The following PDE4D variants were observed in gnomAD, a reference collection of about 807,000 sequenced individuals.
The protein encoded by PDE4D is 3',5'-cyclic-AMP phosphodiesterase 4D.
Under a neutral mutation model 87.4 loss-of-function variants are expected in PDE4D, and 24 were observed. That is an observed-to-expected ratio of 0.27 (90% CI 0.20 to 0.39). The LOEUF is 0.39. Among genes scored for constraint, PDE4D ranks in the 10% least tolerant of loss-of-function variants. The pLI, the probability that PDE4D is intolerant of heterozygous loss-of-function variation, is 1.00. For synonymous variants in PDE4D, 384 were observed against 383.2 expected (o/e 1.00, Z -0.02); for missense variants, 714 against 1,041.0 (o/e 0.69, Z 4.32).
chr5:59,658,161 T>C (rs1744674131), intron 1 of PDE4D, among the ~76,000 whole-genome samples: 1 of 152,196 alleles, frequency 6.6e-6, no homozygotes, highest in Non-Finnish European at 1.5e-5. Flanking sequence ...ATGCCAGGTA[T>C]AAGGATAACA....
At chr5:59,978,284 T>C (rs1399685424) in intron 3 of PDE4D, among the ~76,000 whole-genome samples, 1 of 152,156 alleles carries the variant, frequency 6.6e-6, no homozygotes, top group Non-Finnish European at 1.5e-5. Flanking sequence ...CCATTCTAGA[T>C]GCCATTAAGA....
At chr5:59,555,303 T>A (rs1012495957) in intron 1 of PDE4D, among the ~76,000 whole-genome samples, 1 of 151,738 alleles carries the variant, frequency 6.6e-6, no homozygotes, top group African/African-American at 2.4e-5. Context: ...ATAATGAAAA[T>A]ACATGGACAC....
At chr5:59,831,932 C>T (rs964109475) in intron 1 of PDE4D, among the ~76,000 whole-genome samples, 11 of 152,140 alleles carry the variant, frequency 7.2e-5, no homozygotes, top group South Asian at 6.2e-4. Flanking sequence ...AAGGGCTCTA[C>T]GAGACAAGCC....
At chr5:59,954,587 T>C in intron 3 of PDE4D, among the ~76,000 whole-genome samples, 1 of 152,192 alleles carries the variant, frequency 6.6e-6, no homozygotes. Context: ...GCCCTAACTG[T>C]GGCACCAGCA....
chr5:60,013,115 G>A (rs1193375394), intron 2 of PDE4D, among the ~76,000 whole-genome samples: 1 of 152,044 alleles, frequency 6.6e-6, no homozygotes, highest in African/African-American at 2.4e-5. Context: ...ATTCATGAGT[G>A]CCCTGACTCC....
intron 1 of PDE4D, among the ~76,000 whole-genome samples, chr5:60,462,793 C>A (rs1204312134): frequency 6.6e-6 from 1 of 152,208 alleles, no homozygotes; most frequent in East Asian, 1.9e-4. Context: ...CATTGGCATC[C>A]AGCATTTTCC....
intron 1 of PDE4D, among the ~76,000 whole-genome samples, chr5:59,678,336 G>A (rs1002089516): frequency 2.0e-5 from 3 of 151,944 alleles, no homozygotes; most frequent in African/African-American, 7.3e-5. Context: ...CTCAGAGTTG[G>A]TTTCATACTT....
intron 6 of PDE4D, among the ~76,000 whole-genome samples, chr5:59,033,311 G>A (rs1160332967): frequency 6.6e-6 from 1 of 152,136 alleles, no homozygotes; most frequent in Non-Finnish European, 1.5e-5. Context: ...CAAAACTAAT[G>A]TGAATATTAA....
At chr5:60,304,668 A>T (rs1289299867) in intron 1 of PDE4D, among the ~76,000 whole-genome samples, 3 of 150,326 alleles carry the variant, frequency 2.0e-5, no homozygotes, top group African/African-American at 7.4e-5. Flanking sequence ...AAAAAAAAAA[A>T]AAAAAAGAAA....
At chr5:60,027,722 G>A (rs769221392) in intron 2 of PDE4D, among the ~76,000 whole-genome samples, 7 of 152,186 alleles carry the variant, frequency 4.6e-5, no homozygotes, top group Non-Finnish European at 8.8e-5. Context: ...AAGATTTGTT[G>A]ATTAAATAAA....
At chr5:60,242,679 A>C (rs1282030784) in intron 1 of PDE4D, among the ~76,000 whole-genome samples, 1 of 152,102 alleles carries the variant, frequency 6.6e-6, no homozygotes, top group Middle Eastern at 3.2e-3. Flanking sequence ...AACAAGAGGA[A>C]TTTTGGAAAC....
intron 1 of PDE4D, among the ~76,000 whole-genome samples, chr5:60,224,537 T>C (rs963261618): frequency 1.3e-5 from 2 of 151,990 alleles, no homozygotes; most frequent in Admixed American, 6.6e-5. Context: ...CTTGGTGAGA[T>C]GGATGGAAGA....
chr5:59,178,396 C>T (rs147410675), intron 5 of PDE4D, among the ~76,000 whole-genome samples: 220 of 152,280 alleles, frequency 1.4e-3, no homozygotes, highest in Middle Eastern at 3.4e-3. Flanking sequence ...CCCTAGGCCT[C>T]AGGTCAGGAG....
intron 2 of PDE4D, among the ~76,000 whole-genome samples, chr5:60,051,129 C>G (rs1039732076): frequency 1.3e-5 from 2 of 152,100 alleles, no homozygotes; most frequent in Non-Finnish European, 2.9e-5. Context: ...TTAGACACAT[C>G]ATTGAGACAG....
chr5:59,762,555 TAC>T (rs201201219), intron 1 of PDE4D, among the ~76,000 whole-genome samples: 6,564 of 121,996 alleles, frequency 0.054, 598 homozygotes, highest in East Asian at 0.13. Context: ...TGTATATGGG[TAC>T]ACATATGTGT....
intron 1 of PDE4D, among the ~76,000 whole-genome samples, chr5:59,822,117 C>T (rs1769757859): frequency 6.6e-6 from 1 of 152,082 alleles, no homozygotes; most frequent in South Asian, 2.1e-4. Flanking sequence ...TAATCTGATA[C>T]TGACGAAAAA....
At chr5:59,133,252 A>T (rs574417851) in intron 5 of PDE4D, among the ~76,000 whole-genome samples, 1 of 152,324 alleles carries the variant, frequency 6.6e-6, no homozygotes, top group South Asian at 2.1e-4. Context: ...ATTTTCTAGT[A>T]AGAGTAGCAA....
chr5:59,435,566 T>C (rs1310701378), intron 1 of PDE4D, among the ~76,000 whole-genome samples: 1 of 151,924 alleles, frequency 6.6e-6, no homozygotes, highest in Non-Finnish European at 1.5e-5. Flanking sequence ...AAGCCTCTCA[T>C]CTATTTTGCC....
chr5:59,275,744 G>C (rs1581720238), intron 1 of PDE4D: 1 of 1,019,090 alleles, frequency 9.8e-7, no homozygotes, highest in Non-Finnish European at 1.2e-6. Flanking sequence ...AGAGTCACTT[G>C]ATCTCTTTTT....
Sources: gnomAD v4.1 joint callset for allele counts (sites outside exome capture counted in the v4.1 genomes callset) on GRCh38, gnomAD v4.1.1 for gene constraint, MANE v1.5 for transcripts, NCBI Gene and HGNC (gene_info 2026-07-23, HGNC 2026-07-21) for gene names.